Variants in ZC3H18 observed in about 807,000 individuals in gnomAD.
ZC3H18 encodes the protein zinc finger CCCH-type containing 18.
A neutral mutation model predicts 106.1 loss-of-function variants in ZC3H18; 8 were observed. The observed-to-expected ratio is 0.08, with a 90% CI of 0.04 to 0.14. The LOEUF (loss-of-function observed/expected upper bound fraction) is 0.14. Among genes scored for constraint, ZC3H18 ranks in the 10% least tolerant of loss-of-function variants. The pLI, the probability that ZC3H18 is intolerant of heterozygous loss-of-function variation, is 1.00. For synonymous variants in ZC3H18, 635 were observed against 522.1 expected (o/e 1.22, Z -2.95); for missense variants, 1,318 against 1,278.4 (o/e 1.03, Z -0.47).
intron 8 of ZC3H18, among the ~76,000 whole-genome samples, chr16:88,618,812 G>A (rs1401810353): frequency 2.0e-5 from 3 of 152,202 alleles, no homozygotes; most frequent in Non-Finnish European, 4.4e-5. Flanking sequence ...AAGTGTTCAT[G>A]CAAATTCCAG....
At chr16:88,600,841 T>G (rs1020025274) in intron 6 of ZC3H18, among the ~76,000 whole-genome samples, 1 of 152,202 alleles carries the variant, frequency 6.6e-6, no homozygotes, top group African/African-American at 2.4e-5. Context: ...GATGGCACGG[T>G]GAGGTTCAGG....
chr16:88,624,860 C>A, intron 12 of ZC3H18, 115 bp downstream of exon 12: 1 of 1,408,752 alleles, frequency 7.1e-7, no homozygotes, highest in African/African-American at 1.4e-5. Context: ...GTGGGAAGCG[C>A]CCCCTAGCCG....
intron 16 of ZC3H18, chr16:88,630,025 C>CG (rs1355797235): frequency 1.3e-5 from 2 of 156,222 alleles, no homozygotes; most frequent in Non-Finnish European, 2.8e-5. Flanking sequence ...TGGGGTCCTG[C>CG]GGACCTTTGT....
Position 88,577,482 on chromosome 16 carries a change from C to G in ZC3H18, c.359C>G (p.Thr120Ser). 1 of 1,612,836 alleles carries G rather than the reference C, an allele frequency of 6.2e-7. No homozygotes were observed. Among genetic ancestry groups the G allele is most frequent in the East Asian group, 2.2e-5 (1 of 44,858 alleles). ...CTTAGGGATGAGGCCTCCTCAGTCA[C>G]CAGGGAGCTGGATGAGCATGAGCTA... ...SDLRDEASSVTRELDEHELDY... is the reference protein window; with the variant it reads ...SDLRDEASSVSRELDEHELDY... The change falls in exon 2 of 18, where the codon ACC becomes AGC. Residue 120 changes from threonine to serine, a missense_variant. Thr to Ser is a moderately conservative substitution (Grantham distance 58, BLOSUM62 1). This residue lies in a region of ZC3H18 where 346 missense variants were observed against 269.0 expected (regional missense o/e 1.29). Transcript: ENST00000301011.
intron 8 of ZC3H18, among the ~76,000 whole-genome samples, chr16:88,618,747 G>A (rs1373637658): frequency 6.6e-6 from 1 of 152,210 alleles, no homozygotes; most frequent in Non-Finnish European, 1.5e-5. Flanking sequence ...TTGTGCTGCG[G>A]GAAAGGCTAC....
intron 2 of ZC3H18, among the ~76,000 whole-genome samples, chr16:88,578,464 C>G (rs1298112713): frequency 6.6e-6 from 1 of 151,882 alleles, no homozygotes; most frequent in African/African-American, 2.4e-5. Context: ...CTGAGTGATA[C>G]TTGCCGGAGC....
intron 1 of ZC3H18, among the ~76,000 whole-genome samples, chr16:88,576,755 A>G (rs1047042079): frequency 3.9e-5 from 6 of 152,194 alleles, no homozygotes; most frequent in African/African-American, 1.4e-4. Context: ...ATACTCCTCT[A>G]AGAATTCACA....
At chr16:88,571,621 A>T in intron 1 of ZC3H18, 1 of 985,450 alleles carries the variant, frequency 1.0e-6, no homozygotes, top group Non-Finnish European at 1.2e-6. Flanking sequence ...TAGGTGGGAC[A>T]TGCTGAAATA....
chr16:88,577,562 G>A lies in ZC3H18; in HGVS notation c.439G>A (p.Ala147Thr), dbSNP rs754926027. Residue 147 changes from alanine (A) to threonine (T), a missense_variant, in exon 2 of 18, where the codon GCT becomes ACT. Physicochemically the swap from Ala to Thr is moderately conservative, Grantham distance 58. Transcript: ENST00000301011. The stretch of plus-strand genomic sequence containing the variant: ...AGCTCCCGCCGTCCAGGAGGACGAG[G>A]CTGAGAAAGCGGGGGCTGAGGATGA... ...EPAPAVQEDE[A>T]EKAGAEDDEE... 3 of 1,613,510 alleles carry A rather than the reference G, an allele frequency of 1.9e-6. No individual in the cohort carries two copies. The highest frequency in any genetic ancestry group is 1.3e-5 in the African/African-American group (1 of 74,938).
At chr16:88,587,290 G>C (rs1048170645) in intron 3 of ZC3H18, among the ~76,000 whole-genome samples, 1 of 152,190 alleles carries the variant, frequency 6.6e-6, no homozygotes, top group Non-Finnish European at 1.5e-5. Context: ...GATGATGTTA[G>C]GGCTTTTTGT....
At chr16:88,618,796 G>T (rs1004673939) in intron 8 of ZC3H18, among the ~76,000 whole-genome samples, 1 of 152,190 alleles carries the variant, frequency 6.6e-6, no homozygotes, top group African/African-American at 2.4e-5. Context: ...TCTCCCCTGC[G>T]GTTGGAAGTG....
intron 3 of ZC3H18, among the ~76,000 whole-genome samples, chr16:88,590,939 TC>T (rs761448398): frequency 6.7e-6 from 1 of 149,948 alleles, no homozygotes; most frequent in Non-Finnish European, 1.5e-5. Context: ...TTGGCTGTGC[TC>T]CCCCTAATTT....
At chr16:88,582,706 A>G (rs1915208280) in intron 2 of ZC3H18, among the ~76,000 whole-genome samples, 2 of 152,150 alleles carry the variant, frequency 1.3e-5, no homozygotes, top group South Asian at 2.1e-4. Context: ...TTAGTGTTCC[A>G]CATAGCCACA....
intron 8 of ZC3H18, among the ~76,000 whole-genome samples, chr16:88,616,515 CCCTGCCAGGCCCGCTA>C (rs1285410717): frequency 1.3e-5 from 2 of 152,202 alleles, no homozygotes; most frequent in Non-Finnish European, 2.9e-5. Context: ...TTTGCGGGAG[CCCTGCCAGGCCCGCTA>C]CCTGCCTGGA....
At chr16:88,572,846 C>T (rs561257162) in intron 1 of ZC3H18, among the ~76,000 whole-genome samples, 2 of 152,138 alleles carry the variant, frequency 1.3e-5, no homozygotes, top group Admixed American at 6.5e-5. Flanking sequence ...CAACCTCCTC[C>T]TCCTGGGTTC....
At position 88,577,337 on chromosome 16, in the gene ZC3H18, C is replaced by G. The variant is rs144227799; in HGVS notation, c.214C>G (p.Arg72Gly). Residue 72 changes from arginine (R) to glycine (G), a missense_variant, in exon 2 of 18, where the codon CGG becomes GGG. By Grantham distance (125) the Arg-to-Gly change is moderately radical (BLOSUM62 -2). This residue lies in a region of ZC3H18 where 346 missense variants were observed against 269.0 expected (regional missense o/e 1.29). Coordinates refer to ENST00000301011, the MANE Select transcript of ZC3H18 (RefSeq NM_144604.4). ...AGATAATCACTCCGACGAGGAGGACCGGGCAAGTGAGCCTAAATCCCAAGA... is the reference window on the plus strand; with the variant it reads ...AGATAATCACTCCGACGAGGAGGACGGGGCAAGTGAGCCTAAATCCCAAGA... ...EEDNHSDEEDRASEPKSQDQD... is the reference protein window; with the variant it reads ...EEDNHSDEEDGASEPKSQDQD... The G allele has an allele frequency of 1.9e-6, 3 of 1,605,224 alleles. No homozygotes were observed. Among genetic ancestry groups the G allele is most frequent in the East Asian group, 2.2e-5 (1 of 44,770 alleles).
chr16:88,606,329 T>C (rs1489108895), intron 6 of ZC3H18, among the ~76,000 whole-genome samples: 1 of 152,276 alleles, frequency 6.6e-6, no homozygotes, highest in African/African-American at 2.4e-5. Flanking sequence ...TGACACGTTC[T>C]CTAGAACGCA....
In ZC3H18 at chr16:88,577,551, A is replaced by T. The variant is rs774433963; in HGVS notation, c.428A>T (p.Gln143Leu). ...EVPEEPAPAV[Q>L]EDEAEKAGAE... Reference sequence around the variant, plus strand: ...CCTGAGGAGCCAGCTCCCGCCGTCCAGGAGGACGAGGCTGAGAAAGCGGGG... The same window carrying T: ...CCTGAGGAGCCAGCTCCCGCCGTCCTGGAGGACGAGGCTGAGAAAGCGGGG... Residue 143 changes from glutamine to leucine, a missense_variant, in exon 2 of 18, where the codon CAG becomes CTG. Transcript: ENST00000301011. The T allele has an allele frequency of 4.3e-6, 7 of 1,613,654 alleles. No homozygotes were observed. In the East Asian group the frequency reaches 1.3e-4, roughly 31 times the overall value.
At chr16:88,581,320 CTT>C (rs1915116836) in intron 2 of ZC3H18, among the ~76,000 whole-genome samples, 6 of 152,206 alleles carry the variant, frequency 3.9e-5, no homozygotes, top group Admixed American at 2.0e-4. Flanking sequence ...AGCGCTTTCT[CTT>C]CTCTCAGGGC....
Sources: gnomAD v4.1 joint callset for allele counts (sites outside exome capture counted in the v4.1 genomes callset) on GRCh38, gnomAD v4.1.1 for gene constraint, gnomAD v4.1.1 regional missense constraint, MANE v1.5 for transcripts, NCBI Gene and HGNC (gene_info 2026-07-23, HGNC 2026-07-21) for gene names.